POLR2F: variants seen among roughly 807,000 people sequenced by gnomAD.
The protein encoded by POLR2F is RNA polymerase II, I and III subunit F, also known as DNA-directed RNA polymerases I, II, and III subunit RPABC2.
In POLR2F, 12 loss-of-function variants were observed where a neutral mutation model predicts 22.7. The ratio of observed to expected loss-of-function variants is 0.53; its 90% CI spans 0.34 to 0.86. The LOEUF is 0.86. Among genes scored for constraint, POLR2F ranks in the 40% least tolerant of loss-of-function variants. The pLI, the probability that POLR2F is intolerant of heterozygous loss-of-function variation, is 0.02. For missense variants in POLR2F, 126 were observed against 171.5 expected, an observed-to-expected ratio of 0.73 and a Z score of 1.48; for synonymous variants, 57 against 66.0, an observed-to-expected ratio of 0.86 and a Z score of 0.66.
At position 37,956,146 on chromosome 22, in the gene POLR2F, A is replaced by G. The variant is rs541791434; in HGVS notation, c.21-627A>G. Among the ~76,000 whole-genome samples, 7 of 151,182 alleles carry G rather than the reference A, an allele frequency of 4.6e-5. No homozygotes were observed. The East Asian group carries it at 1.2e-3, about 25-fold the overall frequency. ...CTCTTGTTGCCCAGGCTGGAGTGCA[A>G]TGGCGTGATCTCAGCTCACCACAAC... On this transcript the variant is annotated intron_variant, in intron 1 of 4. Coordinates refer to ENST00000442738, the MANE Select transcript of POLR2F (RefSeq NM_021974.5).
At position 37,997,296 on chromosome 22, in the gene POLR2F, CCT is replaced by C. The variant is rs1376700823; in HGVS notation, c.120+10987_120+10988del. ...TCTCTGTCCATTGCTCCCTCCTTCT[CCT>C]CTTTCTGTCCCCAGCCTCCTCTCTC... On this transcript the variant is annotated intron_variant, in intron 1 of 2. Transcript: ENST00000333418. This position sits in a 1 kb window ranked among gnomAD's most constrained non-coding sequence, Gnocchi z 4.4. Among the ~76,000 whole-genome samples the C allele has an allele frequency of 6.6e-6, 1 of 152,034 alleles. No homozygotes were observed. The highest frequency in any genetic ancestry group is 1.5e-5 in the Non-Finnish European group (1 of 67,994).
downstream of POLR2F, chr22:37,973,439 G>T: frequency 1.7e-6 from 2 of 1,194,516 alleles, no homozygotes; most frequent in Non-Finnish European, 2.4e-6. Flanking sequence ...GCAAGGAACA[G>T]GGCACACAGG....
upstream of POLR2F, among the ~76,000 whole-genome samples, chr22:37,981,312 C>G (rs1488619832): frequency 6.6e-6 from 1 of 152,238 alleles, no homozygotes. Flanking sequence ...TCAGGACCCC[C>G]CTCCAGGGTC....
Position 37,968,786 on chromosome 22 carries a change from G to C in POLR2F, c.*1071G>C. ...GAGCTGGGCTTCCCTAACCTCTGCA[G>C]GAGGCAGGGCCTCCAGGCCTAGGTG... On this transcript the variant is annotated 3_prime_UTR_variant, in exon 5 of 5. Coordinates refer to ENST00000442738, the MANE Select transcript of POLR2F (RefSeq NM_021974.5). 1 of 985,512 alleles carries C rather than the reference G, an allele frequency of 1.0e-6. No homozygotes were observed. Among genetic ancestry groups the C allele is most frequent in the Non-Finnish European group, 1.2e-6 (1 of 829,974 alleles). 61.0% of individuals were successfully genotyped at this position (985,512 alleles called of 1,614,324 possible).
intron 1 of POLR2F, among the ~76,000 whole-genome samples, chr22:38,009,358 A>G (rs1190722784): frequency 6.6e-6 from 1 of 152,212 alleles, no homozygotes; most frequent in Non-Finnish European, 1.5e-5. Context: ...GGAGGCCAGG[A>G]AGGAGGCCCC....
intron 1 of POLR2F, among the ~76,000 whole-genome samples, chr22:38,021,854 G>A (rs973355015): frequency 8.6e-5 from 13 of 151,422 alleles, no homozygotes; most frequent in Non-Finnish European, 1.2e-4. Context: ...ATTTGGGGCC[G>A]GGCGCAGTAG....
intron 1 of POLR2F, among the ~76,000 whole-genome samples, chr22:37,956,284 G>T (rs1274191782): frequency 2.0e-5 from 3 of 151,698 alleles, no homozygotes; most frequent in East Asian, 3.9e-4. Context: ...TAGAGACGGG[G>T]TTTCATCATG....
At chr22:38,009,301 C>T (rs540007301) in intron 1 of POLR2F, among the ~76,000 whole-genome samples, 118 of 152,272 alleles carry the variant, frequency 7.7e-4, no homozygotes, top group African/African-American at 2.8e-3. Context: ...CACAGGATTG[C>T]TGTCTACTCT....
intron 5 of POLR2F, among the ~76,000 whole-genome samples, chr22:38,035,894 G>A (rs2085111245): frequency 6.6e-6 from 1 of 152,136 alleles, no homozygotes; most frequent in Non-Finnish European, 1.5e-5. Context: ...CAGGGTGGGT[G>A]TGGTTTTACT....
At chr22:37,972,068 G>C (rs557943277), downstream of POLR2F, among the ~76,000 whole-genome samples, 26 of 137,650 alleles carry the variant, frequency 1.9e-4, no homozygotes, top group African/African-American at 7.1e-4. Context: ...AGGGGGGAGA[G>C]AGAGAGAAAG....
At chr22:38,037,377 G>A (rs2085126465) in intron 5 of POLR2F, among the ~76,000 whole-genome samples, 1 of 151,814 alleles carries the variant, frequency 6.6e-6, no homozygotes, top group South Asian at 2.1e-4. Flanking sequence ...GGGCTCAAGC[G>A]ATCCTCCCGC....
chr22:37,957,977 TTTGTTG>T (rs887172412), intron 2 of POLR2F, among the ~76,000 whole-genome samples: 2 of 152,050 alleles, frequency 1.3e-5, no homozygotes, highest in Non-Finnish European at 2.9e-5. Context: ...CTTTCTGTTT[TTTGTTG>T]TTGTTGTTGT....
At position 37,981,000 on chromosome 22, in the gene POLR2F, A is replaced by C. The variant is rs550117879; in HGVS notation, c.293+13830A>C. Among the ~76,000 whole-genome samples the C allele has an allele frequency of 6.6e-6, 1 of 152,130 alleles. No homozygotes were observed. The highest frequency in any genetic ancestry group is 2.4e-5 in the African/African-American group (1 of 41,420). ...TTTCCAGGCAGATCAGCCAACCCAC[A>C]GGCACCACCCTGTGATCAGCCTCAA... On this transcript the variant is annotated intron_variant, in intron 4 of 4. Transcript: ENST00000405557. The surrounding 1 kb of genome is among the most constrained non-coding windows in gnomAD (Gnocchi z 4.1).
At chr22:38,015,173 G>T (rs1569181071) in intron 1 of POLR2F, among the ~76,000 whole-genome samples, 1 of 152,200 alleles carries the variant, frequency 6.6e-6, no homozygotes, top group African/African-American at 2.4e-5. Context: ...TGCTTTGAAG[G>T]TAGAGCTGAC....
chr22:37,967,856 G>T lies in POLR2F; in HGVS notation c.*141G>T. On this transcript the variant is annotated 3_prime_UTR_variant, in exon 5 of 5. Coordinates refer to ENST00000442738, the MANE Select transcript of POLR2F (RefSeq NM_021974.5). ...CACCACCTGTTGCTTCCCCGTTACC[G>T]CCATGCTGCGTGGAGCATGCACCTA... 7.0e-7 allele frequency: 1 copy of T among 1,419,946 alleles called. No individual in the cohort carries two copies. Among genetic ancestry groups the T allele is most frequent in the Non-Finnish European group, 9.2e-7 (1 of 1,090,514 alleles). The allele number at this position is 1,419,946 out of a possible 1,614,324, so 88.0% of individuals were successfully genotyped here.
chr22:38,026,271 CA>C lies in POLR2F; in HGVS notation c.400-2del, dbSNP rs770803789. On this transcript the variant is annotated splice_acceptor_variant, in intron 2 of 2. Transcript: ENST00000333418. LOFTEE classifies it high-confidence loss of function. ...AATTTCCCTCTCTTTCCCTCCTGCC[CA>C]GGGTAGCTGGCTTGCTTGACCCAAG... 1 of 533,214 alleles carries C rather than the reference CA, an allele frequency of 1.9e-6. No individual in the cohort carries two copies. Among genetic ancestry groups the C allele is most frequent in the South Asian group, 1.4e-5 (1 of 71,506 alleles). The allele number at this position is 533,214 out of a possible 1,614,324, so 33.0% of individuals were successfully genotyped here.
chr22:38,037,916 A>G (rs982779190), intron 5 of POLR2F, among the ~76,000 whole-genome samples: 4 of 152,010 alleles, frequency 2.6e-5, no homozygotes, highest in Non-Finnish European at 5.9e-5. Flanking sequence ...TGCTTTTTGA[A>G]TAAGTAGCCT....
At chr22:38,009,805 A>G (rs949952017) in intron 1 of POLR2F, among the ~76,000 whole-genome samples, 19 of 152,122 alleles carry the variant, frequency 1.2e-4, no homozygotes, top group African/African-American at 4.6e-4. Context: ...TCTGTCACTC[A>G]GCATAATTGT....
intron 1 of POLR2F, among the ~76,000 whole-genome samples, chr22:38,011,195 A>G (rs2084868913): frequency 6.6e-6 from 1 of 152,020 alleles, no homozygotes; most frequent in South Asian, 2.1e-4. Flanking sequence ...TCCATCTCCC[A>G]GGCTCAAGTG....
Sources: allele counts gnomAD v4.1 joint callset (sites outside exome capture counted in the v4.1 genomes callset), GRCh38; gene constraint gnomAD v4.1.1; non-coding constraint Gnocchi (gnomAD v3.1); transcripts MANE v1.5; gene names NCBI Gene and HGNC (gene_info 2026-07-23, HGNC 2026-07-21).